The following POLDIP2 variants were observed in gnomAD, a reference collection of about 807,000 sequenced individuals.
The protein encoded by POLDIP2 is DNA polymerase delta interacting protein 2, also known as polymerase delta-interacting protein 2.
In POLDIP2, 32 loss-of-function variants were observed where a neutral mutation model predicts 52.9. That is an observed-to-expected ratio of 0.61 (90% CI 0.46 to 0.81). The LOEUF (loss-of-function observed/expected upper bound fraction) is 0.81. Among genes scored for constraint, POLDIP2 ranks in the 40% least tolerant of loss-of-function variants. The probability of loss-of-function intolerance (pLI) is 0.00; values close to 1 mark genes in which losing one functional copy is unlikely to be tolerated. For synonymous variants in POLDIP2, 183 were observed against 183.0 expected, an observed-to-expected ratio of 1.00 and a Z score of 0.00; for missense variants, 371 against 477.3, an observed-to-expected ratio of 0.78 and a Z score of 2.07.
intron 2 of POLDIP2, among the ~76,000 whole-genome samples, chr17:28,355,029 A>T (rs1394923100): frequency 5.9e-5 from 9 of 152,234 alleles, no homozygotes; most frequent in Non-Finnish European, 5.9e-5. Flanking sequence ...AGAAGGGCCT[A>T]AATCTATCCC....
In POLDIP2 at chr17:28,350,477, G is replaced by A; in HGVS notation, c.873C>T (p.Gly291=). The A allele has an allele frequency of 6.2e-7, 1 of 1,612,624 alleles. No homozygotes were observed. Among genetic ancestry groups the A allele is most frequent in the Non-Finnish European group, 8.5e-7 (1 of 1,179,292 alleles). The change falls in exon 9 of 11, where the codon GGC becomes GGT. Residue 291 remains glycine, a synonymous_variant. Transcript: ENST00000540200. ...ERHWRIFSLS[G]TLETVRGRGV... is the part of the protein sequence containing the mutation. ...CTCGGCCTCGCACTGTCTCCAAGGT[G>A]CCAGAGAGACTGAATATCCTCCAGT...
intron 10 of POLDIP2, 42 bp downstream of exon 10, chr17:28,349,041 T>G: frequency 7.1e-7 from 1 of 1,413,592 alleles, no homozygotes; most frequent in Non-Finnish European, 9.9e-7. Context: ...AGCTTCTGTT[T>G]GTGGAGCTGG....
At chr17:28,350,019 C>G (rs561774623) in intron 9 of POLDIP2, among the ~76,000 whole-genome samples, 219 of 152,264 alleles carry the variant, frequency 1.4e-3, no homozygotes, top group Non-Finnish European at 2.6e-3. Flanking sequence ...CAGATCTCTT[C>G]AAGGACCAGC....
intron 2 of POLDIP2, among the ~76,000 whole-genome samples, chr17:28,355,143 T>C (rs933873031): frequency 1.3e-5 from 2 of 152,210 alleles, no homozygotes; most frequent in Non-Finnish European, 1.5e-5. Context: ...TATACTTTTC[T>C]GAAAGCTCCC....
intron 2 of POLDIP2, among the ~76,000 whole-genome samples, chr17:28,355,037 C>G (rs1907961227): frequency 6.6e-6 from 1 of 152,206 alleles, no homozygotes; most frequent in South Asian, 2.1e-4. Context: ...CTAAATCTAT[C>G]CCAGTGGACC....
chr17:28,355,775 T>TTTTCAATTTCACCAATAGGTGAGTATTG lies in POLDIP2; in HGVS notation c.243+19_243+20insCAATACTCACCTATTGGTGAAATTGAAA. On this transcript the variant is annotated intron_variant, in intron 2 of 10. Transcript: ENST00000540200. ...CAGAGCACTCTATGAAAATGAAAGA[T>TTTTCAATTTCACCAATAGGTGAGTATTG]GACCCAGCCCAATACTCACCTGCCC... 3.1e-6 allele frequency: 5 copies of TTTTCAATTTCACCAATAGGTGAGTATTG among 1,591,098 alleles called. No individual in the cohort carries two copies. The highest frequency in any genetic ancestry group is 4.3e-6 in the Non-Finnish European group (5 of 1,163,556).
In POLDIP2 at chr17:28,353,242, TG is replaced by T; in HGVS notation, c.512del (p.Pro171GlnfsTer47). On this transcript the variant is annotated frameshift_variant and splice_region_variant, in exon 5 of 11. Transcript: ENST00000540200. LOFTEE classifies it high-confidence loss of function. The part of the protein sequence containing the change: ...HDDSRALYAI[P>X]GLDYVSHEDI... ...ACCATTCAAATGCTAACTACTCACC[TG>T]GGATGGCATAGAGGGCCCGACTGTC... The T allele has an allele frequency of 6.6e-7, 1 of 1,525,268 alleles. No individual in the cohort carries two copies. The highest frequency in any genetic ancestry group is 9.1e-7 in the Non-Finnish European group (1 of 1,101,612). The allele number at this position is 1,525,268 out of a possible 1,614,324, so 94.5% of individuals were successfully genotyped here.
At position 28,357,449 on chromosome 17, in the gene POLDIP2, G is replaced by C. The variant is rs1555581237; in HGVS notation, c.-1C>G. 6.9e-7 allele frequency: 1 copy of C among 1,442,740 alleles called. No homozygotes were observed. The highest frequency in any genetic ancestry group is 9.0e-7 in the Non-Finnish European group (1 of 1,112,666). The allele number at this position is 1,442,740 out of a possible 1,614,324, so 89.4% of individuals were successfully genotyped here. On this transcript the variant is annotated 5_prime_UTR_variant, in exon 1 of 11. Coordinates refer to ENST00000540200, the MANE Select transcript of POLDIP2 (RefSeq NM_015584.5). ...CCCGCCGGGCTGTACAGGCTGCCATGTCCCGCCCGAGCGCCCGCCCGGCTG... is the reference window on the plus strand; with the variant it reads ...CCCGCCGGGCTGTACAGGCTGCCATCTCCCGCCCGAGCGCCCGCCCGGCTG...
At chr17:28,350,180 G>A (rs1907742527) in intron 9 of POLDIP2, among the ~76,000 whole-genome samples, 1 of 152,118 alleles carries the variant, frequency 6.6e-6, no homozygotes, top group Non-Finnish European at 1.5e-5. Flanking sequence ...GACTCACTTG[G>A]GTTTAAATTG....
At chr17:28,353,203 CCTT>C (rs782163647) in intron 5 of POLDIP2, 35 bp downstream of exon 5, 30 of 1,016,552 alleles carry the variant, frequency 3.0e-5, no homozygotes, top group Non-Finnish European at 4.0e-5. Flanking sequence ...ACACCAGACT[CCTT>C]CTTGACGGGC....
intron 7 of POLDIP2, among the ~76,000 whole-genome samples, chr17:28,351,161 C>CTT (rs532773550): frequency 2.4e-4 from 36 of 152,318 alleles, no homozygotes; most frequent in Non-Finnish European, 4.3e-4. Context: ...TGCTATAATA[C>CTT]TTTAAGTTGG....
rs1907802938 is a variant in POLDIP2 at position 28,351,774 on chromosome 17, G to A, written c.649C>T (p.Leu217=). Residue 217 remains leucine (L), a synonymous_variant, in exon 7 of 11, where the codon CTA becomes TTA. Transcript: ENST00000540200. The part of the protein sequence containing the change: ...KAPPFVARET[L]RAWQEKNHPW... ...TGATTCTTCTCTTGCCAGGCCCTTA[G>A]CGTCTCCCGAGCCACAAAAGGAGGT... 6.2e-7 allele frequency: 1 copy of A among 1,613,702 alleles called. No individual in the cohort carries two copies. Among genetic ancestry groups the A allele is most frequent in the Non-Finnish European group, 8.5e-7 (1 of 1,179,680 alleles).
At chr17:28,356,961 C>T (rs528950559) in intron 1 of POLDIP2, among the ~76,000 whole-genome samples, 1 of 152,250 alleles carries the variant, frequency 6.6e-6, no homozygotes, top group Admixed American at 6.5e-5. Flanking sequence ...GCTGAGGGTT[C>T]AAGCCAATGC....
At chr17:28,353,067 A>C in intron 5 of POLDIP2, 48 bp from the exon 6 acceptor site, 1 of 806,334 alleles carries the variant, frequency 1.2e-6, no homozygotes, top group Non-Finnish European at 2.2e-6. Context: ...AGGAGAGGAG[A>C]GAGATGGGGT....
intron 7 of POLDIP2, among the ~76,000 whole-genome samples, chr17:28,351,099 A>G (rs1405037409): frequency 6.6e-6 from 1 of 151,910 alleles, no homozygotes; most frequent in African/African-American, 2.4e-5. Flanking sequence ...CCTGCCCCCT[A>G]TCCTTGCTGC....
intron 7 of POLDIP2, 47 bp from the exon 8 acceptor site, chr17:28,350,839 G>C: frequency 6.7e-7 from 1 of 1,497,794 alleles, no homozygotes; most frequent in South Asian, 1.2e-5. Context: ...GCAAGACCAA[G>C]TGTGTTCCAA....
At chr17:28,357,193 T>A in intron 1 of POLDIP2, 95 bp downstream of exon 1, 1 of 1,177,050 alleles carries the variant, frequency 8.5e-7, no homozygotes, top group South Asian at 1.6e-5. Context: ...CCAGTCACCC[T>A]CAGCAGGCCC....
intron 10 of POLDIP2, 103 bp from the exon 11 acceptor site, chr17:28,348,334 G>T: frequency 1.4e-6 from 1 of 701,244 alleles, no homozygotes. Flanking sequence ...GGACATGTGA[G>T]CCTGAGCTCT....
At chr17:28,349,505 G>A (rs1409768981) in intron 9 of POLDIP2, among the ~76,000 whole-genome samples, 2 of 150,834 alleles carry the variant, frequency 1.3e-5, no homozygotes, top group African/African-American at 2.4e-5. Context: ...ACCAGGCATA[G>A]TGGTGTGTGC....
Sources: gnomAD v4.1 joint callset for allele counts (sites outside exome capture counted in the v4.1 genomes callset) on GRCh38, gnomAD v4.1.1 for gene constraint, MANE v1.5 for transcripts, NCBI Gene and HGNC (gene_info 2026-07-23, HGNC 2026-07-21) for gene names.